PPP2R2C: variants seen among roughly 807,000 people sequenced by gnomAD.
The protein encoded by PPP2R2C is protein phosphatase 2, regulatory subunit B, gamma.
A neutral mutation model predicts 45.3 loss-of-function variants in PPP2R2C; 10 were observed. The ratio of observed to expected loss-of-function variants is 0.22; its 90% confidence interval spans 0.14 to 0.37. The LOEUF (loss-of-function observed/expected upper bound fraction) is 0.37, where lower values mean the gene tolerates loss of function less well. PPP2R2C is among the 10% of genes least tolerant of loss of function. The pLI is 1.00. For missense variants in PPP2R2C, 308 were observed against 619.7 expected, an observed-to-expected ratio of 0.50 and a Z score of 5.34; for synonymous variants, 257 against 245.4, an observed-to-expected ratio of 1.05 and a Z score of -0.44.
At chr4:6,485,648 A>G (rs535353717) in intron 2 of PPP2R2C, among the ~76,000 whole-genome samples, 10 of 151,860 alleles carry the variant, frequency 6.6e-5, no homozygotes, top group Non-Finnish European at 1.5e-4. Context: ...TGTTGAATTT[A>G]TTAGCAAAAA....
At chr4:6,545,521 C>T (rs1180796313) in intron 1 of PPP2R2C, among the ~76,000 whole-genome samples, 1 of 152,194 alleles carries the variant, frequency 6.6e-6, no homozygotes, top group Non-Finnish European at 1.5e-5. Context: ...ACCCATGAGG[C>T]TCAAGGCAGA....
intron 1 of PPP2R2C, among the ~76,000 whole-genome samples, chr4:6,412,398 ACCCT>A (rs1718250375): frequency 6.6e-6 from 1 of 152,158 alleles, no homozygotes; most frequent in South Asian, 2.1e-4. Flanking sequence ...GAAAAATGAG[ACCCT>A]GGAAGGGAAA....
chr4:6,510,175 A>G (rs765639076), intron 2 of PPP2R2C, among the ~76,000 whole-genome samples: 1 of 152,028 alleles, frequency 6.6e-6, no homozygotes, highest in African/African-American at 2.4e-5. Context: ...AATCCCTCCC[A>G]TCTTACATGG....
At chr4:6,440,831 A>G (rs370453033) in intron 1 of PPP2R2C, among the ~76,000 whole-genome samples, 1 of 152,220 alleles carries the variant, frequency 6.6e-6, no homozygotes, top group Admixed American at 6.5e-5. Context: ...TGAGGCCAAC[A>G]TTTTTCTGGA....
At chr4:6,483,706 G>C (rs1722442505) in intron 2 of PPP2R2C, among the ~76,000 whole-genome samples, 1 of 152,072 alleles carries the variant, frequency 6.6e-6, no homozygotes, top group Admixed American at 6.5e-5. Flanking sequence ...GCTTTACAGA[G>C]AATTTCTGTC....
In PPP2R2C at chr4:6,338,869, C is replaced by T. The variant is rs564375920; in HGVS notation, c.791-5138G>A. 5.3e-5 allele frequency among the ~76,000 whole-genome samples: 8 copies of T among 152,302 alleles called. No individual in the cohort carries two copies. The South Asian group carries it at 1.7e-3, about 32-fold the overall frequency. On this transcript the variant is annotated intron_variant, in intron 6 of 8. Coordinates refer to ENST00000382599, the MANE Select transcript of PPP2R2C (RefSeq NM_020416.4). ...CAGAATGCATCGTGCTCTGTGTGAC[C>T]TCAGGCAAGGGCCTGGTCCTCTCTG... is the stretch of plus-strand genomic sequence containing the variant.
At chr4:6,440,047 A>C (rs1289336768) in intron 1 of PPP2R2C, among the ~76,000 whole-genome samples, 3 of 152,036 alleles carry the variant, frequency 2.0e-5, no homozygotes, top group African/African-American at 7.2e-5. Flanking sequence ...CCATCCCTCC[A>C]TCACTACATA....
chr4:6,560,071 G>A (rs1168354294), intron 1 of PPP2R2C, among the ~76,000 whole-genome samples: 1 of 152,236 alleles, frequency 6.6e-6, no homozygotes, highest in Non-Finnish European at 1.5e-5. Context: ...AACCACAGGG[G>A]AAGCCCACCA....
chr4:6,407,427 ACT>A (rs1374782160), intron 1 of PPP2R2C, among the ~76,000 whole-genome samples: 1 of 152,144 alleles, frequency 6.6e-6, no homozygotes, highest in East Asian at 1.9e-4. Context: ...ATGGAGTCTC[ACT>A]CTGCTGCCCA....
intron 1 of PPP2R2C, among the ~76,000 whole-genome samples, chr4:6,448,777 C>T (rs34077531): frequency 4.6e-5 from 7 of 152,054 alleles, no homozygotes; most frequent in African/African-American, 1.2e-4. Context: ...CCTCCTCCCC[C>T]CAGTGAGCAA....
At chr4:6,389,784 C>A (rs1343283160) in intron 1 of PPP2R2C, among the ~76,000 whole-genome samples, 1 of 152,200 alleles carries the variant, frequency 6.6e-6, no homozygotes, top group Non-Finnish European at 1.5e-5. Flanking sequence ...TTATCACCCC[C>A]ATTGCACAGA....
intron 5 of PPP2R2C, among the ~76,000 whole-genome samples, chr4:6,370,183 TG>T (rs35457394): frequency 6.6e-6 from 1 of 152,210 alleles, no homozygotes. Flanking sequence ...GGACCAGGCA[TG>T]GAGGCCCGAG....
intron 1 of PPP2R2C, among the ~76,000 whole-genome samples, chr4:6,451,257 C>T (rs941270950): frequency 3.9e-5 from 6 of 152,180 alleles, no homozygotes; most frequent in South Asian, 2.1e-4. Flanking sequence ...GGGCTGGATC[C>T]GCTGTGGACT....
intron 2 of PPP2R2C, among the ~76,000 whole-genome samples, chr4:6,532,253 T>C (rs369964566): frequency 6.6e-6 from 1 of 152,178 alleles, no homozygotes; most frequent in Non-Finnish European, 1.5e-5. Context: ...CCCCAGTCCA[T>C]AGAAGGGGCC....
chr4:6,470,759 C>G (rs1300823252), intron 1 of PPP2R2C, among the ~76,000 whole-genome samples: 1 of 152,232 alleles, frequency 6.6e-6, no homozygotes, highest in African/African-American at 2.4e-5. Flanking sequence ...CCCCGGGCCT[C>G]CCAAAGCCGC....
At chr4:6,553,310 G>A (rs921677183) in intron 1 of PPP2R2C, among the ~76,000 whole-genome samples, 1 of 152,252 alleles carries the variant, frequency 6.6e-6, no homozygotes, top group African/African-American at 2.4e-5. Flanking sequence ...AGGTGATGCA[G>A]CCTCCAGGGC....
intron 2 of PPP2R2C, among the ~76,000 whole-genome samples, chr4:6,502,752 G>A (rs541915570): frequency 2.6e-5 from 4 of 152,190 alleles, no homozygotes; most frequent in African/African-American, 9.6e-5. Context: ...TCCTTCCAAT[G>A]AGGGTCTATT....
intron 1 of PPP2R2C, among the ~76,000 whole-genome samples, chr4:6,385,523 C>A (rs934526942): frequency 2.0e-5 from 3 of 152,018 alleles, no homozygotes; most frequent in Admixed American, 2.0e-4. Flanking sequence ...GTCCCCTTTC[C>A]CCCTCCCCCA....
intron 1 of PPP2R2C, among the ~76,000 whole-genome samples, chr4:6,431,350 G>T (rs1016625246): frequency 2.0e-5 from 3 of 152,182 alleles, no homozygotes; most frequent in African/African-American, 7.2e-5. Flanking sequence ...AATATGAGGG[G>T]CTCCAGAACA....
Sources: allele counts gnomAD v4.1 joint callset (sites outside exome capture counted in the v4.1 genomes callset), GRCh38; gene constraint gnomAD v4.1.1; transcripts MANE v1.5; gene names NCBI Gene and HGNC (gene_info 2026-07-23, HGNC 2026-07-21).